The following CDS1 variants were observed in gnomAD, a reference collection of about 807,000 sequenced individuals.
The protein encoded by CDS1 is phosphatidate cytidylyltransferase 1.
CDS1 carries 41 observed loss-of-function variants against 62.1 expected under a neutral mutation model. The ratio of observed to expected loss-of-function variants is 0.66; its 90% CI spans 0.51 to 0.86. The LOEUF (loss-of-function observed/expected upper bound fraction) is 0.86. Among genes scored for constraint, CDS1 ranks in the 40% least tolerant of loss-of-function variants. The pLI, the probability that CDS1 is intolerant of heterozygous loss-of-function variation, is 0.00. For synonymous variants in CDS1, 185 were observed against 192.6 expected (o/e 0.96, Z 0.32); for missense variants, 470 against 550.1 (o/e 0.85, Z 1.46).
chr4:84,606,166 G>A (rs1723086705), intron 2 of CDS1, among the ~76,000 whole-genome samples: 1 of 151,952 alleles, frequency 6.6e-6, no homozygotes, highest in South Asian at 2.1e-4. Flanking sequence ...CTTAGAATTT[G>A]TAGATACATA....
intron 3 of CDS1, among the ~76,000 whole-genome samples, chr4:84,615,591 C>G (rs1272421618): frequency 6.6e-6 from 1 of 152,134 alleles, no homozygotes; most frequent in African/African-American, 2.4e-5. Context: ...ACCCCCTCCC[C>G]CTGCCACAGG....
chr4:84,639,649 G>A (rs1724319447), intron 9 of CDS1, among the ~76,000 whole-genome samples: 1 of 152,120 alleles, frequency 6.6e-6, no homozygotes, highest in African/African-American at 2.4e-5. Flanking sequence ...CTGTCAGGAA[G>A]CTTTACTTTT....
intron 3 of CDS1, among the ~76,000 whole-genome samples, chr4:84,615,233 C>T (rs527476898): frequency 6.6e-6 from 1 of 152,130 alleles, no homozygotes; most frequent in South Asian, 2.1e-4. Flanking sequence ...CTAGTCAGTT[C>T]TACCCCCTAT....
chr4:84,620,845 G>A (rs780393749), intron 5 of CDS1, among the ~76,000 whole-genome samples: 22 of 152,270 alleles, frequency 1.4e-4, no homozygotes, highest in Non-Finnish European at 2.6e-4. Context: ...CGGATCACCT[G>A]AGTTTGGGAG....
At chr4:84,607,191 G>T (rs1723123826) in intron 2 of CDS1, among the ~76,000 whole-genome samples, 1 of 152,138 alleles carries the variant, frequency 6.6e-6, no homozygotes, top group African/African-American at 2.4e-5. Context: ...TAGATCCTGT[G>T]TGTAGAAATG....
intron 2 of CDS1, among the ~76,000 whole-genome samples, chr4:84,608,519 A>C (rs1040155157): frequency 6.6e-6 from 1 of 152,206 alleles, no homozygotes; most frequent in Non-Finnish European, 1.5e-5. Context: ...CAAAGAAAGC[A>C]GTCAATACAC....
chr4:84,621,255 G>C (rs940481449), intron 5 of CDS1, among the ~76,000 whole-genome samples: 2 of 152,134 alleles, frequency 1.3e-5, no homozygotes, highest in Non-Finnish European at 2.9e-5. Flanking sequence ...TAGCTCCTAG[G>C]AGTTTCCCAA....
At chr4:84,619,033 TATTAA>T (rs1578036886) in intron 4 of CDS1, among the ~76,000 whole-genome samples, 2 of 136,902 alleles carry the variant, frequency 1.5e-5, no homozygotes, top group African/African-American at 2.8e-5. Context: ...ACACACAAAG[TATTAA>T]ATTTATACAC....
chr4:84,599,046 T>C (rs1048104520), intron 1 of CDS1, among the ~76,000 whole-genome samples: 9 of 152,160 alleles, frequency 5.9e-5, no homozygotes, highest in African/African-American at 2.2e-4. Flanking sequence ...GCTCAAGATG[T>C]TATAATGAAA....
chr4:84,609,180 C>CAAAAAAA (rs1230335142), intron 2 of CDS1, among the ~76,000 whole-genome samples: 7 of 91,422 alleles, frequency 7.7e-5, no homozygotes, highest in African/African-American at 1.6e-4. Flanking sequence ...GACTCCGTCT[C>CAAAAAAA]AAAAAAAAAA....
At chr4:84,611,323 G>T (rs1723313110) in intron 3 of CDS1, among the ~76,000 whole-genome samples, 2 of 152,140 alleles carry the variant, frequency 1.3e-5, no homozygotes, top group African/African-American at 4.8e-5. Context: ...TATTATCATT[G>T]TTATTACTTT....
rs375840719 is a variant in CDS1, at chr4:84,633,859, C to T, written c.642C>T (p.Phe214=). The T allele has an allele frequency of 6.9e-6, 11 of 1,594,848 alleles. No individual in the cohort carries two copies. Among genetic ancestry groups the T allele is most frequent in the East Asian group, 4.6e-5 (2 of 43,864 alleles). Residue 214 remains phenylalanine, a splice_region_variant and synonymous_variant, in exon 7 of 13, where the codon TTC becomes TTT. Coordinates refer to ENST00000295887, the MANE Select transcript of CDS1 (RefSeq NM_001263.4). Reference sequence around the variant, plus strand: ...TTGTATTGTTGGGCTATTAACAGTTCGCATGGACTCATGTCACTTTACTGA... The same window carrying T: ...TTGTATTGTTGGGCTATTAACAGTTTGCATGGACTCATGTCACTTTACTGA... The part of the protein sequence containing the change: ...KKHYRLQFYM[F]AWTHVTLLIT...
intron 4 of CDS1, 100 bp from the exon 5 acceptor site, chr4:84,619,294 T>G: frequency 1.8e-6 from 1 of 567,062 alleles, no homozygotes; most frequent in Non-Finnish European, 2.9e-6. Context: ...CTGAACTTTG[T>G]TTTGATCTTT....
chr4:84,590,460 C>T (rs1390586101), intron 1 of CDS1, among the ~76,000 whole-genome samples: 2 of 152,146 alleles, frequency 1.3e-5, no homozygotes, highest in South Asian at 2.1e-4. Context: ...TGAATTTTCA[C>T]TTAGTGTTTA....
chr4:84,621,732 T>C (rs1723693405), intron 5 of CDS1, among the ~76,000 whole-genome samples: 2 of 152,162 alleles, frequency 1.3e-5, no homozygotes, highest in South Asian at 4.1e-4. Context: ...CAGCCTTTCA[T>C]TCAGGTTTAT....
chr4:84,610,418 G>A (rs548223527), intron 3 of CDS1, among the ~76,000 whole-genome samples: 1 of 152,298 alleles, frequency 6.6e-6, no homozygotes, highest in Non-Finnish European at 1.5e-5. Context: ...ACCATTCTGG[G>A]AGTTTTGGAT....
At chr4:84,637,325 C>T (rs1318340892) in intron 8 of CDS1, among the ~76,000 whole-genome samples, 1 of 152,074 alleles carries the variant, frequency 6.6e-6, no homozygotes, top group Non-Finnish European at 1.5e-5. Flanking sequence ...TAAAGAAATG[C>T]CAGAGCTTTA....
intron 9 of CDS1, among the ~76,000 whole-genome samples, chr4:84,640,031 A>G (rs1724329552): frequency 6.6e-6 from 1 of 150,950 alleles, no homozygotes; most frequent in African/African-American, 2.4e-5. Context: ...TACCACAGGA[A>G]TAGCCATATC....
At chr4:84,638,130 T>G (rs774021105) in intron 8 of CDS1, among the ~76,000 whole-genome samples, 8 of 152,214 alleles carry the variant, frequency 5.3e-5, no homozygotes, top group Non-Finnish European at 1.0e-4. Context: ...TCACAGTCTT[T>G]ATCTCCCCTG....
Sources: allele counts gnomAD v4.1 joint callset (sites outside exome capture counted in the v4.1 genomes callset), GRCh38; gene constraint gnomAD v4.1.1; transcripts MANE v1.5; gene names NCBI Gene and HGNC (gene_info 2026-07-23, HGNC 2026-07-21).